The following ACSM3 variants were observed in gnomAD, a reference collection of about 807,000 sequenced individuals.
ACSM3 encodes acyl-coenzyme A synthetase ACSM3, mitochondrial.
Under a neutral mutation model 74.1 loss-of-function variants are expected in ACSM3, and 61 were observed. That is an observed-to-expected ratio of 0.82 (90% CI 0.67 to 1.02). The LOEUF is 1.02. Among genes scored for constraint, ACSM3 ranks in the 50% least tolerant of loss-of-function variants. The pLI is 0.00. For missense variants in ACSM3, 660 were observed against 697.0 expected, an observed-to-expected ratio of 0.95 and a Z score of 0.60; for synonymous variants, 213 against 241.5, an observed-to-expected ratio of 0.88 and a Z score of 1.09.
intron 1 of ACSM3, chr16:20,736,160 A>G (rs914858436): frequency 1.3e-5 from 2 of 152,204 alleles, no homozygotes; most frequent in African/African-American, 4.8e-5. Context: ...CTGAGTCCAC[A>G]TAATACCCTT....
At chr16:20,677,068 A>C (rs1352260502) in intron 1 of ACSM3, among the ~76,000 whole-genome samples, 1 of 151,994 alleles carries the variant, frequency 6.6e-6, no homozygotes, top group African/African-American at 2.4e-5. Context: ...TGCACTTCCT[A>C]CTCCAACCAC....
At chr16:20,796,175 G>C in intron 12 of ACSM3, 195 bp from the exon 13 acceptor site, 1 of 876,782 alleles carries the variant, frequency 1.1e-6, no homozygotes. Flanking sequence ...TTGTTACAGG[G>C]GTCCCAGAAG....
At chr16:20,745,093 G>A (rs1279340748) in intron 1 of ACSM3, among the ~76,000 whole-genome samples, 3 of 152,222 alleles carry the variant, frequency 2.0e-5, no homozygotes, top group Admixed American at 1.3e-4. Flanking sequence ...ACAGGCCCTC[G>A]TCCAGCTCTA....
intron 1 of ACSM3, chr16:20,718,453 T>G (rs1401948417): frequency 7.4e-6 from 4 of 539,240 alleles, no homozygotes; most frequent in African/African-American, 3.9e-5. Context: ...GGCCCAGCAC[T>G]CTCAGAGCAG....
At chr16:20,675,688 C>A (rs749180207) in intron 1 of ACSM3, among the ~76,000 whole-genome samples, 2 of 152,172 alleles carry the variant, frequency 1.3e-5, no homozygotes, top group Non-Finnish European at 2.9e-5. Flanking sequence ...GGATGGCTGA[C>A]CAATGGCACT....
intron 2 of ACSM3, among the ~76,000 whole-genome samples, chr16:20,775,141 G>A (rs1008384160): frequency 2.0e-5 from 3 of 151,888 alleles, no homozygotes; most frequent in Non-Finnish European, 2.9e-5. Flanking sequence ...AGCCCTCTAC[G>A]GGAACGTGTG....
chr16:20,727,108 T>A (rs1294034146), intron 1 of ACSM3, among the ~76,000 whole-genome samples: 3 of 152,220 alleles, frequency 2.0e-5, no homozygotes, highest in African/African-American at 4.8e-5. Flanking sequence ...TAAGTTCTCC[T>A]CCATCTGCTA....
intron 2 of ACSM3, among the ~76,000 whole-genome samples, chr16:20,772,367 A>G (rs1213312883): frequency 2.0e-5 from 3 of 151,694 alleles, no homozygotes; most frequent in South Asian, 2.1e-4. Context: ...GCCCAATTTT[A>G]TTAAATTTAT....
chr16:20,733,779 C>T (rs1235439086), intron 1 of ACSM3: 2 of 152,024 alleles, frequency 1.3e-5, no homozygotes, highest in African/African-American at 4.8e-5. Flanking sequence ...CATTTGAAAA[C>T]CAAGTTTAAC....
chr16:20,718,040 A>G (rs917997604), intron 1 of ACSM3, among the ~76,000 whole-genome samples: 17 of 151,610 alleles, frequency 1.1e-4, no homozygotes, highest in Non-Finnish European at 2.5e-4. Flanking sequence ...AGAAAGAAGA[A>G]GAAGAACTGG....
upstream of ACSM3, among the ~76,000 whole-genome samples, chr16:20,759,778 T>C (rs569586157): frequency 2.6e-5 from 4 of 152,170 alleles, no homozygotes; most frequent in Non-Finnish European, 4.4e-5. Context: ...CTTTGTTCTA[T>C]GAATAGTTCT....
chr16:20,741,761 AAG>A, intron 1 of ACSM3: 1 of 1,556,156 alleles, frequency 6.4e-7, no homozygotes, highest in Non-Finnish European at 8.7e-7. Context: ...ACTGAGAGGA[AAG>A]AGAAACGTTT....
At position 20,792,257 on chromosome 16, in the gene ACSM3, G is replaced by A. The variant is rs371374975; in HGVS notation, c.1476G>A (p.Glu492=). ...LSSGYRIGPF[E]VENALNEHPS... is the part of the protein sequence containing the mutation. The stretch of plus-strand genomic sequence containing the variant: ...CTAGCTATCGAATTGGACCATTTGA[G>A]GTAGAAAATGCCCTGAATGAACACC... The change falls in exon 12 of 14, where the codon GAG becomes GAA. Residue 492 remains glutamate, a synonymous_variant. Coordinates refer to ENST00000289416, the MANE Select transcript of ACSM3 (RefSeq NM_005622.4). 1.2e-6 allele frequency: 2 copies of A among 1,614,082 alleles called. No homozygotes were observed.
In ACSM3 at chr16:20,776,007, G is replaced by A; in HGVS notation, c.388G>A (p.Val130Ile). 6.2e-7 allele frequency: 1 copy of A among 1,614,146 alleles called. No individual in the cohort carries two copies. The highest frequency in any genetic ancestry group is 8.5e-7 in the Non-Finnish European group (1 of 1,180,036). Reference sequence around the variant, plus strand: ...TCGGGTAATTCTGATTCTGCCCAGGGTCCCAGAGTGGTGGCTTGCAAATGT... The same window carrying A: ...TCGGGTAATTCTGATTCTGCCCAGGATCCCAGAGTGGTGGCTTGCAAATGT... Reference protein sequence around the residue: ...GDRVILILPRVPEWWLANVAC... With the variant: ...GDRVILILPRIPEWWLANVAC... Residue 130 changes from valine to isoleucine, a missense_variant, in exon 3 of 14, where the codon GTC becomes ATC. Coordinates refer to ENST00000289416, the MANE Select transcript of ACSM3 (RefSeq NM_005622.4).
At chr16:20,764,154 A>G (rs2080100510) in intron 1 of ACSM3, 29 bp downstream of exon 1, 1 of 152,192 alleles carries the variant, frequency 6.6e-6, no homozygotes, top group South Asian at 2.1e-4. Context: ...CTCCTGTGTA[A>G]GATTTCCTGA....
At chr16:20,707,549 A>G (rs796634690) in intron 1 of ACSM3, among the ~76,000 whole-genome samples, 3 of 152,296 alleles carry the variant, frequency 2.0e-5, no homozygotes, top group African/African-American at 7.2e-5. Context: ...TGGAGACAGT[A>G]GAGACCACCC....
At chr16:20,703,304 T>C (rs1022557278) in intron 1 of ACSM3, 3 of 152,196 alleles carry the variant, frequency 2.0e-5, no homozygotes, top group African/African-American at 7.2e-5. Context: ...GGGCTCTTTT[T>C]TGTTCCATAT....
At chr16:20,784,107 T>G (rs540557736) in intron 7 of ACSM3, among the ~76,000 whole-genome samples, 14 of 152,136 alleles carry the variant, frequency 9.2e-5, no homozygotes, top group Non-Finnish European at 2.1e-4. Context: ...CACCTGGCCT[T>G]TCCTTCTCTA....
At chr16:20,707,135 G>C (rs901279970) in intron 1 of ACSM3, among the ~76,000 whole-genome samples, 1 of 152,032 alleles carries the variant, frequency 6.6e-6, no homozygotes, top group African/African-American at 2.4e-5. Flanking sequence ...GGAATAGCTG[G>C]GAGACAAGTC....
Sources: allele counts gnomAD v4.1 joint callset (sites outside exome capture counted in the v4.1 genomes callset), GRCh38; gene constraint gnomAD v4.1.1; transcripts MANE v1.5; gene names NCBI Gene and HGNC (gene_info 2026-07-23, HGNC 2026-07-21).